RPS6KA6: variants seen among roughly 807,000 people sequenced by gnomAD.
RPS6KA6 encodes ribosomal protein S6 kinase A6, also known as ribosomal protein S6 kinase alpha-6.
Under a neutral mutation model 65.4 loss-of-function variants are expected in RPS6KA6, and 27 were observed. The observed-to-expected ratio is 0.41, with a 90% CI of 0.30 to 0.57. The LOEUF is 0.57. RPS6KA6 is among the 20% of genes least tolerant of loss of function. The probability of loss-of-function intolerance (pLI) is 0.24; values close to 1 mark genes in which losing one functional copy is unlikely to be tolerated. For synonymous variants in RPS6KA6, 190 were observed against 184.2 expected (o/e 1.03, Z -0.26); for missense variants, 486 against 555.6 (o/e 0.87, Z 1.26).
chrX:84,151,036 GAT>G (rs72003838), intron 3 of RPS6KA6, among the ~76,000 whole-genome samples: 1 of 83,860 alleles, frequency 1.2e-5, no homozygotes, highest in East Asian at 4.0e-4. Flanking sequence ...ATATAGAGAG[GAT>G]ATATATATAG....
intron 3 of RPS6KA6, among the ~76,000 whole-genome samples, chrX:84,153,995 A>T: frequency 8.9e-6 from 1 of 111,872 alleles, no homozygotes; most frequent in Non-Finnish European, 1.9e-5. Context: ...TCATGTTGCT[A>T]TATTTAACAT....
chrX:84,164,524 A>G, intron 1 of RPS6KA6, 137 bp from the exon 2 acceptor site: 1 of 450,651 alleles, frequency 2.2e-6, no homozygotes, highest in Non-Finnish European at 3.9e-6. Context: ...GACAAAGGAC[A>G]CATAGAAGTA....
intron 17 of RPS6KA6, among the ~76,000 whole-genome samples, chrX:84,104,021 A>G (rs977929536): frequency 3.6e-5 from 4 of 110,757 alleles, no homozygotes; most frequent in Non-Finnish European, 1.9e-5. Context: ...AAGGACAGGA[A>G]GCAAAATAAC....
chrX:84,160,534 C>A (rs2035493293), intron 2 of RPS6KA6, among the ~76,000 whole-genome samples: 1 of 111,542 alleles, frequency 9.0e-6, no homozygotes, highest in Non-Finnish European at 1.9e-5. Flanking sequence ...AACTAACCTC[C>A]AGAAAACAAA....
intron 18 of RPS6KA6, among the ~76,000 whole-genome samples, chrX:84,099,734 A>G (rs952039598): frequency 9.0e-6 from 1 of 111,561 alleles, no homozygotes; most frequent in Non-Finnish European, 1.9e-5. Context: ...GAAGAATAAA[A>G]TATTTTAGAG....
chrX:84,116,239 A>G lies in RPS6KA6; in HGVS notation c.998T>C (p.Ile333Thr). The G allele has an allele frequency of 8.8e-7, 1 of 1,136,928 alleles. No homozygotes were observed. The highest frequency in any genetic ancestry group is 1.2e-6 in the Non-Finnish European group (1 of 834,585). 93.7% of individuals were successfully genotyped at this position (1,136,928 alleles called of 1,213,427 possible). ...EIKRHLFFANIDWDKLYKREV... is the reference protein window; with the variant it reads ...EIKRHLFFANTDWDKLYKREV... ...TTCTACTTAACTTACATCCCAGTCAATATTTGCAAAAAACAGATGTCTTTT... is the reference window on the plus strand; with the variant it reads ...TTCTACTTAACTTACATCCCAGTCAGTATTTGCAAAAAACAGATGTCTTTT... Residue 333 changes from isoleucine (I) to threonine (T), a missense_variant, in exon 12 of 22, where the codon ATT becomes ACT. Ile to Thr is a moderately conservative substitution (Grantham distance 89). Coordinates refer to ENST00000262752, the MANE Select transcript of RPS6KA6 (RefSeq NM_014496.5).
chrX:84,107,774 T>C (rs780568198), intron 12 of RPS6KA6, 49 bp from the exon 13 acceptor site: 9 of 652,297 alleles, frequency 1.4e-5, no homozygotes, highest in Non-Finnish European at 1.9e-5. Flanking sequence ...CTTTAAAAAT[T>C]ATTATACTTT....
At chrX:84,089,707 T>A (rs1443706944) in intron 20 of RPS6KA6, among the ~76,000 whole-genome samples, 1 of 111,198 alleles carries the variant, frequency 9.0e-6, no homozygotes, top group African/African-American at 3.3e-5. Context: ...TGGGGGTTCC[T>A]TTGTCTCCGT....
At chrX:84,085,426 T>C (rs948627253) in intron 20 of RPS6KA6, among the ~76,000 whole-genome samples, 1 of 107,247 alleles carries the variant, frequency 9.3e-6, no homozygotes, top group African/African-American at 3.3e-5. Context: ...ATTTTCTGCA[T>C]TATTGAGATA....
intron 8 of RPS6KA6, among the ~76,000 whole-genome samples, chrX:84,123,367 A>G (rs1425649642): frequency 8.9e-6 from 1 of 112,907 alleles, no homozygotes; most frequent in Non-Finnish European, 1.9e-5. Context: ...GGGGTAGGCC[A>G]ATAAGCAGGC....
chrX:84,103,826 CAG>C (rs2034303861), intron 17 of RPS6KA6, among the ~76,000 whole-genome samples: 1 of 111,016 alleles, frequency 9.0e-6, no homozygotes, highest in Admixed American at 9.6e-5. Context: ...GGGGCTCATG[CAG>C]AGTTTTCATT....
At chrX:84,182,180 G>A (rs1922761723) in intron 1 of RPS6KA6, among the ~76,000 whole-genome samples, 1 of 109,680 alleles carries the variant, frequency 9.1e-6, no homozygotes, top group South Asian at 3.9e-4. Flanking sequence ...AATGTCTCCA[G>A]GGCAATTTAG....
Position 84,104,491 on chromosome X carries a change from C to A in RPS6KA6, c.1614+8G>T. ...AGAATAGAAAGAAAAAAGTTAACTACAACTTACTCCTTGACAATGAAGATA... is the reference window on the plus strand; with the variant it reads ...AGAATAGAAAGAAAAAAGTTAACTAAAACTTACTCCTTGACAATGAAGATA... On this transcript the variant is annotated splice_region_variant and intron_variant, in intron 17 of 21. Coordinates refer to ENST00000262752, the MANE Select transcript of RPS6KA6 (RefSeq NM_014496.5). The A allele has an allele frequency of 9.1e-7, 1 of 1,094,779 alleles. No individual in the cohort carries two copies. The highest frequency in any genetic ancestry group is 1.2e-6 in the Non-Finnish European group (1 of 831,991). 90.2% of individuals were successfully genotyped at this position (1,094,779 alleles called of 1,213,427 possible). A position where few individuals can be genotyped will look rare whatever the true frequency, so the allele number is the denominator to read the frequency against.
At chrX:84,123,072 T>C (rs1481977150) in intron 8 of RPS6KA6, among the ~76,000 whole-genome samples, 1 of 111,810 alleles carries the variant, frequency 8.9e-6, no homozygotes, top group Non-Finnish European at 1.9e-5. Flanking sequence ...TCATGGATGG[T>C]ATTTCTAGAC....
intron 2 of RPS6KA6, among the ~76,000 whole-genome samples, chrX:84,162,035 A>T (rs2035522231): frequency 8.9e-6 from 1 of 111,776 alleles, no homozygotes; most frequent in African/African-American, 3.2e-5. Context: ...TTGACAACAA[A>T]TAAAAAGTTA....
chrX:84,071,781 G>A (rs867916203), intron 20 of RPS6KA6, among the ~76,000 whole-genome samples: 1 of 111,518 alleles, frequency 9.0e-6, no homozygotes, highest in Non-Finnish European at 1.9e-5. Context: ...CACAGATATA[G>A]AAAGAACTAT....
intron 6 of RPS6KA6, among the ~76,000 whole-genome samples, chrX:84,142,602 A>C (rs979209774): frequency 9.0e-6 from 1 of 111,677 alleles, no homozygotes; most frequent in African/African-American, 3.2e-5. Context: ...TCTCTAGTGA[A>C]GCTAAGCAGA....
In RPS6KA6 at chrX:84,171,812, C is replaced by T. The variant is rs199758065; in HGVS notation, c.82-7425G>A. Among the ~76,000 whole-genome samples the T allele has an allele frequency of 3.6e-5, 4 of 110,952 alleles. No homozygotes were observed. The East Asian group carries it at 8.5e-4, about 24-fold the overall frequency. ...GCTCCACATGCATTAGGTATTTGTC[C>T]GAATACTCTCCCCGCCCTTTTCCCG... On this transcript the variant is annotated intron_variant, in intron 1 of 21. Coordinates refer to ENST00000262752, the MANE Select transcript of RPS6KA6 (RefSeq NM_014496.5).
intron 9 of RPS6KA6, among the ~76,000 whole-genome samples, chrX:84,117,966 CAT>C (rs1260299344): frequency 9.0e-6 from 1 of 110,837 alleles, no homozygotes; most frequent in African/African-American, 3.3e-5. Flanking sequence ...CACACACACA[CAT>C]GCCAATAGCT....
Sources: allele counts gnomAD v4.1 joint callset (sites outside exome capture counted in the v4.1 genomes callset), GRCh38; gene constraint gnomAD v4.1.1; transcripts MANE v1.5; gene names NCBI Gene and HGNC (gene_info 2026-07-23, HGNC 2026-07-21).